The following FBXL17 variants were observed in gnomAD, a reference collection of about 807,000 sequenced individuals.
FBXL17 encodes the protein F-box and leucine rich repeat protein 17.
FBXL17 carries 22 observed loss-of-function variants against 66.2 expected under a neutral mutation model. The ratio of observed to expected loss-of-function variants is 0.33; its 90% CI spans 0.24 to 0.47. The LOEUF (loss-of-function observed/expected upper bound fraction) is 0.47, where lower values mean the gene tolerates loss of function less well. Ranked by LOEUF, FBXL17 falls within the 20% of genes least tolerant of loss-of-function variation. The probability of loss-of-function intolerance (pLI) is 1.00; values close to 1 mark genes in which losing one functional copy is unlikely to be tolerated. For synonymous variants in FBXL17, 474 were observed against 400.5 expected, an observed-to-expected ratio of 1.18 and a Z score of -2.19; for missense variants, 878 against 948.2, an observed-to-expected ratio of 0.93 and a Z score of 0.97.
intron 4 of FBXL17, among the ~76,000 whole-genome samples, chr5:108,272,597 A>G (rs1038650198): frequency 1.3e-5 from 2 of 152,066 alleles, no homozygotes; most frequent in Admixed American, 6.6e-5. Context: ...CAAGTGATCA[A>G]TCCACCTCGG....
intron 7 of FBXL17, among the ~76,000 whole-genome samples, chr5:107,910,256 G>A (rs772074667): frequency 3.6e-4 from 55 of 151,988 alleles, no homozygotes; most frequent in Non-Finnish European, 7.6e-4. Context: ...TAAGTATGAC[G>A]CAAATGAAGT....
rs561318786 is a variant in FBXL17 at position 107,980,142 on chromosome 5, G to A, written c.1822+40783C>T. 2.2e-4 allele frequency among the ~76,000 whole-genome samples: 33 copies of A among 152,224 alleles called. No individual in the cohort carries two copies. In the South Asian group the frequency reaches 6.6e-3, roughly 31 times the overall value. ...ATTATCAGAAATTTTTAAAGGGAGA[G>A]AGCTTCCAGTTTCATTTTGCAGAAG... is the stretch of plus-strand genomic sequence containing the variant. On this transcript the variant is annotated intron_variant, in intron 7 of 8. Coordinates refer to ENST00000542267, the MANE Select transcript of FBXL17 (RefSeq NM_001163315.3).
chr5:108,358,625 T>C (rs1288884849), intron 3 of FBXL17, among the ~76,000 whole-genome samples: 1 of 152,162 alleles, frequency 6.6e-6, no homozygotes, highest in East Asian at 1.9e-4. Context: ...TTAAAGATAC[T>C]TGTCTGTAGC....
At chr5:108,184,042 AAGAAAATGTCACT>A (rs1753121214) in intron 6 of FBXL17, among the ~76,000 whole-genome samples, 1 of 152,228 alleles carries the variant, frequency 6.6e-6, no homozygotes, top group African/African-American at 2.4e-5. Flanking sequence ...AGGGTAATTT[AAGAAAATGTCACT>A]AGAATTTACC....
At chr5:108,222,800 A>C (rs942236033) in intron 5 of FBXL17, among the ~76,000 whole-genome samples, 3 of 151,096 alleles carry the variant, frequency 2.0e-5, no homozygotes, top group Non-Finnish European at 1.5e-5. Context: ...CAGCCTCCCA[A>C]GTAGCTGGGA....
intron 7 of FBXL17, among the ~76,000 whole-genome samples, chr5:107,914,026 C>T (rs1016167398): frequency 6.6e-6 from 1 of 151,372 alleles, no homozygotes; most frequent in Non-Finnish European, 1.5e-5. Flanking sequence ...GTATAAAATG[C>T]AACCATGAGT....
intron 7 of FBXL17, among the ~76,000 whole-genome samples, chr5:107,949,513 A>C (rs549730466): frequency 6.6e-6 from 1 of 152,332 alleles, no homozygotes; most frequent in South Asian, 2.1e-4. Context: ...GACCCAAAGC[A>C]CAGAAATCAC....
intron 7 of FBXL17, among the ~76,000 whole-genome samples, chr5:107,904,777 A>G (rs1404936920): frequency 6.6e-6 from 1 of 152,212 alleles, no homozygotes; most frequent in Non-Finnish European, 1.5e-5. Context: ...AATGTGTAAA[A>G]TAATATCCAT....
chr5:107,912,512 A>G (rs1159757364), intron 7 of FBXL17, among the ~76,000 whole-genome samples: 1 of 152,180 alleles, frequency 6.6e-6, no homozygotes, highest in Non-Finnish European at 1.5e-5. Flanking sequence ...ATATGTATCA[A>G]TATAGATGAA....
chr5:108,132,411 C>A (rs1030607922), intron 6 of FBXL17, among the ~76,000 whole-genome samples: 3 of 152,000 alleles, frequency 2.0e-5, no homozygotes, highest in African/African-American at 4.8e-5. Context: ...TATAAAAGAA[C>A]AGAAACCCCT....
intron 7 of FBXL17, among the ~76,000 whole-genome samples, chr5:107,964,312 G>C (rs192999806): frequency 6.6e-6 from 1 of 151,956 alleles, no homozygotes; most frequent in African/African-American, 2.4e-5. Context: ...AAAATCACAG[G>C]GGATGCAGTG....
At chr5:108,258,024 C>A (rs1756649852) in intron 4 of FBXL17, among the ~76,000 whole-genome samples, 1 of 152,108 alleles carries the variant, frequency 6.6e-6, no homozygotes, top group South Asian at 2.1e-4. Context: ...CAAATTACAT[C>A]ACAAGGTTAT....
At chr5:108,316,972 A>G (rs148028311) in intron 4 of FBXL17, among the ~76,000 whole-genome samples, 116 of 151,422 alleles carry the variant, frequency 7.7e-4, no homozygotes, top group African/African-American at 2.7e-3. Flanking sequence ...GTATTTATCA[A>G]TCTGTATATT....
chr5:108,311,212 C>G (rs1475585585), intron 4 of FBXL17, among the ~76,000 whole-genome samples: 1 of 151,892 alleles, frequency 6.6e-6, no homozygotes, highest in African/African-American at 2.4e-5. Flanking sequence ...GCCGTTGTTA[C>G]CCCGGCTAGA....
At chr5:108,265,062 G>A (rs1020772030) in intron 4 of FBXL17, among the ~76,000 whole-genome samples, 2 of 151,876 alleles carry the variant, frequency 1.3e-5, no homozygotes, top group African/African-American at 4.8e-5. Context: ...ATCTTTAAAA[G>A]AAGCAACAGA....
rs1752177309 is a variant in FBXL17 at position 107,967,212 on chromosome 5, T to C, written c.1822+53713A>G. On this transcript the variant is annotated intron_variant, in intron 7 of 8. Coordinates refer to ENST00000542267, the MANE Select transcript of FBXL17 (RefSeq NM_001163315.3). ...TTTTAAATTGTGTATACCAAGGAGA[T>C]TGAGAATGATGTTTCTGTAAATATT... 2.6e-5 allele frequency among the ~76,000 whole-genome samples: 4 copies of C among 152,008 alleles called. No homozygotes were observed. In the South Asian group the frequency reaches 8.3e-4, roughly 32 times the overall value.
intron 7 of FBXL17, among the ~76,000 whole-genome samples, chr5:108,006,202 TA>T (rs985434369): frequency 1.3e-5 from 2 of 152,190 alleles, no homozygotes; most frequent in African/African-American, 2.4e-5. Flanking sequence ...GCTAAAGTCA[TA>T]AAAAAATTAA....
chr5:108,299,276 T>G (rs1333692480), intron 4 of FBXL17: 1 of 984,928 alleles, frequency 1.0e-6, no homozygotes, highest in Non-Finnish European at 1.2e-6. Context: ...GATCCCTCTC[T>G]TCTATTTCCA....
chr5:108,090,120 T>C (rs913018999), intron 6 of FBXL17, among the ~76,000 whole-genome samples: 4 of 152,170 alleles, frequency 2.6e-5, no homozygotes, highest in African/African-American at 7.2e-5. Flanking sequence ...TGAGCCACCA[T>C]GCCCAGCCAA....
Sources: gnomAD v4.1 joint callset for allele counts (sites outside exome capture counted in the v4.1 genomes callset) on GRCh38, gnomAD v4.1.1 for gene constraint, MANE v1.5 for transcripts, NCBI Gene and HGNC (gene_info 2026-07-23, HGNC 2026-07-21) for gene names.